Variants in CD99L2 observed in about 807,000 individuals in gnomAD.
CD99L2 encodes CD99 molecule like 2, also known as CD99 antigen-like protein 2.
In CD99L2, 24 loss-of-function variants were observed where a neutral mutation model predicts 27.3. The observed-to-expected ratio is 0.88, with a 90% CI of 0.64 to 1.24. The LOEUF (loss-of-function observed/expected upper bound fraction) is 1.24, where lower values mean the gene tolerates loss of function less well. Ranked by LOEUF, CD99L2 falls within the 50% of genes most tolerant of loss-of-function variation. The pLI, the probability that CD99L2 is intolerant of heterozygous loss-of-function variation, is 0.00. For missense variants in CD99L2, 255 were observed against 221.6 expected, an observed-to-expected ratio of 1.15 and a Z score of -0.96; for synonymous variants, 97 against 87.9, an observed-to-expected ratio of 1.10 and a Z score of -0.58.
chrX:150,892,178 G>A (rs1170309811), intron 1 of CD99L2, among the ~76,000 whole-genome samples: 5 of 109,948 alleles, frequency 4.5e-5, no homozygotes, highest in Non-Finnish European at 7.6e-5. Flanking sequence ...CCAAGATCGC[G>A]CCATTGCACT....
chrX:150,774,889 G>A (rs1387090597), intron 9 of CD99L2, among the ~76,000 whole-genome samples: 1 of 112,119 alleles, frequency 8.9e-6, no homozygotes, highest in African/African-American at 3.2e-5. Context: ...CCTGGACTCT[G>A]TCTGACCCAT....
intron 2 of CD99L2, 83 bp from the exon 3 acceptor site, chrX:150,816,161 T>C (rs782735299): frequency 2.1e-4 from 196 of 927,506 alleles, no homozygotes; most frequent in Non-Finnish European, 3.0e-4. Flanking sequence ...GGAAGTCACA[T>C]TGTGAGTAGA....
chrX:150,850,073 A>C (rs1309034306), intron 1 of CD99L2, among the ~76,000 whole-genome samples: 3 of 112,029 alleles, frequency 2.7e-5, no homozygotes, highest in Non-Finnish European at 5.6e-5. Context: ...GTATGCCAAG[A>C]ATAGAGATGT....
At position 150,768,358 on chromosome X, in the gene CD99L2, C is replaced by G. The variant is rs2043346147; in HGVS notation, c.*676G>C. 8.9e-6 allele frequency: 1 copy of G among 112,768 alleles called. No homozygotes were observed. The highest frequency in any genetic ancestry group is 1.9e-5 in the Non-Finnish European group (1 of 53,357). The allele number at this position is 112,768 out of a possible 1,213,427, so 9.3% of individuals were successfully genotyped here. A position where few individuals can be genotyped will look rare whatever the true frequency, so the allele number is the denominator to read the frequency against. Reference sequence around the variant, plus strand: ...CATACTTATCCGGAAGATTCCTAAGCTCTCAAGGCAGGACTATCACGAGAT... The same window carrying G: ...CATACTTATCCGGAAGATTCCTAAGGTCTCAAGGCAGGACTATCACGAGAT... On this transcript the variant is annotated 3_prime_UTR_variant, in exon 11 of 11. Coordinates refer to ENST00000370377, the MANE Select transcript of CD99L2 (RefSeq NM_031462.4).
intron 9 of CD99L2, 78 bp from the exon 10 acceptor site, chrX:150,770,447 A>C: frequency 2.1e-6 from 2 of 948,611 alleles, no homozygotes. Flanking sequence ...ACTCCTGACC[A>C]AGTCCTCTGC....
chrX:150,784,678 A>C (rs531974993), intron 7 of CD99L2, among the ~76,000 whole-genome samples: 3 of 112,624 alleles, frequency 2.7e-5, no homozygotes, highest in Admixed American at 1.9e-4. Context: ...TGGCTTCGCC[A>C]ATCAAAAGTA....
At chrX:150,772,782 C>A (rs782354694) in intron 9 of CD99L2, among the ~76,000 whole-genome samples, 1 of 111,238 alleles carries the variant, frequency 9.0e-6, no homozygotes, top group East Asian at 2.9e-4. Context: ...TGGCACAAAT[C>A]CCAGGACTGG....
intron 1 of CD99L2, among the ~76,000 whole-genome samples, chrX:150,851,443 G>A (rs1018636025): frequency 7.1e-5 from 8 of 112,128 alleles, no homozygotes; most frequent in Non-Finnish European, 1.1e-4. Flanking sequence ...TCAGATAGAT[G>A]CAGCAGCACG....
At chrX:150,857,987 G>A (rs782146281) in intron 1 of CD99L2, among the ~76,000 whole-genome samples, 1 of 112,067 alleles carries the variant, frequency 8.9e-6, no homozygotes, top group Admixed American at 9.5e-5. Flanking sequence ...GAAAGTAAAG[G>A]GGTGGAAAAA....
intron 4 of CD99L2, among the ~76,000 whole-genome samples, chrX:150,803,875 A>T (rs1383455658): frequency 8.9e-6 from 1 of 112,384 alleles, no homozygotes; most frequent in Non-Finnish European, 1.9e-5. Flanking sequence ...CACACAATTG[A>T]CAACAAAGCC....
At chrX:150,776,433 C>A (rs2124029173) in intron 8 of CD99L2, 140 bp from the exon 9 acceptor site, 1 of 672,474 alleles carries the variant, frequency 1.5e-6, no homozygotes, top group East Asian at 3.7e-5. Flanking sequence ...GAGGGCCATG[C>A]CACACAGATC....
rs113307545 is a variant in CD99L2 at position 150,898,603 on chromosome X, G to T, written c.-15C>A. 9.2e-7 allele frequency: 1 copy of T among 1,090,349 alleles called. No individual in the cohort carries two copies. Among genetic ancestry groups the T allele is most frequent in the South Asian group, 2.2e-5 (1 of 45,209 alleles). The allele number at this position is 1,090,349 out of a possible 1,213,427, so 89.9% of individuals were successfully genotyped here. A position where few individuals can be genotyped will look rare whatever the true frequency, so the allele number is the denominator to read the frequency against. ...CAGGCCACCATGGCTGGGAGCAGGC[G>T]GAGGGCCCCGGAGGAGCACAGTTAG... On this transcript the variant is annotated 5_prime_UTR_variant, in exon 1 of 11. Coordinates refer to ENST00000370377, the MANE Select transcript of CD99L2 (RefSeq NM_031462.4).
At chrX:150,794,604 C>G (rs782007653) in intron 6 of CD99L2, among the ~76,000 whole-genome samples, 1 of 112,485 alleles carries the variant, frequency 8.9e-6, no homozygotes, top group Non-Finnish European at 1.9e-5. Context: ...CTCCACACTA[C>G]GCTTAACCTG....
chrX:150,789,441 C>A (rs1387764538), intron 7 of CD99L2, among the ~76,000 whole-genome samples: 1 of 112,085 alleles, frequency 8.9e-6, no homozygotes, highest in Non-Finnish European at 1.9e-5. Context: ...TTTATATCAT[C>A]TGAATACAAG....
chrX:150,779,126 A>G (rs963542010), intron 7 of CD99L2, among the ~76,000 whole-genome samples: 1 of 112,351 alleles, frequency 8.9e-6, no homozygotes, highest in African/African-American at 3.2e-5. Flanking sequence ...CTTGGCCACA[A>G]GGATTCCCAG....
intron 1 of CD99L2, among the ~76,000 whole-genome samples, chrX:150,844,653 T>C (rs1312517317): frequency 1.8e-5 from 2 of 112,420 alleles, no homozygotes; most frequent in African/African-American, 3.2e-5. Context: ...CAAGTGAACA[T>C]GAAAATGGCT....
intron 1 of CD99L2, among the ~76,000 whole-genome samples, chrX:150,896,255 G>A (rs1353834806): frequency 1.8e-5 from 2 of 109,548 alleles, no homozygotes; most frequent in Non-Finnish European, 3.8e-5. Flanking sequence ...AAAATTAGCC[G>A]GGCATGGTGG....
Position 150,890,351 on chromosome X carries a change from C to T in CD99L2, c.67+8171G>A, listed in dbSNP as rs1012726929. On this transcript the variant is annotated intron_variant, in intron 1 of 10. Coordinates refer to ENST00000370377, the MANE Select transcript of CD99L2 (RefSeq NM_031462.4). ...AAAATTAGCTGGGCGAGGTGGCAGG[C>T]GCCTGTAATCCCGGCTCCTCAGGAG... Among the ~76,000 whole-genome samples the T allele has an allele frequency of 8.3e-5, 9 of 108,786 alleles. No individual in the cohort carries two copies. The East Asian group carries it at 2.3e-3, about 28-fold the overall frequency. The allele number at this position is 108,786 out of a possible 115,157, so 94.5% of individuals were successfully genotyped here.
intron 1 of CD99L2, among the ~76,000 whole-genome samples, chrX:150,888,868 G>A (rs782036057): frequency 1.3e-4 from 15 of 112,001 alleles, no homozygotes; most frequent in African/African-American, 4.5e-4. Flanking sequence ...AGTCCTCCTA[G>A]CTGAGGTCCT....
Sources: gnomAD v4.1 joint callset for allele counts (sites outside exome capture counted in the v4.1 genomes callset) on GRCh38, gnomAD v4.1.1 for gene constraint, MANE v1.5 for transcripts, NCBI Gene and HGNC (gene_info 2026-07-23, HGNC 2026-07-21) for gene names.